The following MORN1 variants were observed in gnomAD, a reference collection of about 807,000 sequenced individuals.
MORN1 encodes the protein MORN repeat containing 1.
Under a neutral mutation model 61.9 loss-of-function variants are expected in MORN1, and 67 were observed. The observed-to-expected ratio is 1.08, with a 90% CI of 0.89 to 1.33. MORN1 has a LOEUF of 1.33. MORN1 is among the 40% of genes most tolerant of loss of function. The probability of loss-of-function intolerance (pLI) is 0.00; values close to 1 mark genes in which losing one functional copy is unlikely to be tolerated. For synonymous variants in MORN1, 301 were observed against 292.0 expected, an observed-to-expected ratio of 1.03 and a Z score of -0.31; for missense variants, 752 against 691.2, an observed-to-expected ratio of 1.09 and a Z score of -0.99.
chr1:2,351,769 AG>A lies in MORN1; in HGVS notation c.1036+5662del, dbSNP rs140231198. 2,196 of 560,698 alleles carry A rather than the reference AG, an allele frequency of 3.9e-3. 42 individuals carry two copies. The African/African-American group carries it at 0.039, about 10-fold the overall frequency. The allele number at this position is 560,698 out of a possible 1,614,324, so 34.7% of individuals were successfully genotyped here. On this transcript the variant is annotated intron_variant, in intron 10 of 13. Coordinates refer to ENST00000378531, the MANE Select transcript of MORN1 (RefSeq NM_024848.3). ...TTCATATGCTTGTCAAAAGCCTTGA[AG>A]GTGCCAATGAAGACTCGGCCATCTT...
At chr1:2,349,759 C>CAAATCATCTT (rs551122734) in intron 10 of MORN1, among the ~76,000 whole-genome samples, 45 of 152,292 alleles carry the variant, frequency 3.0e-4, no homozygotes, top group African/African-American at 9.9e-4. Context: ...CTTGATTTTT[C>CAAATCATCTT]AAATCATCTT....
At chr1:2,383,185 C>A (rs1293026614) in intron 6 of MORN1, among the ~76,000 whole-genome samples, 1 of 152,222 alleles carries the variant, frequency 6.6e-6, no homozygotes, top group Non-Finnish European at 1.5e-5. Flanking sequence ...AACGTTTCTC[C>A]TTTGCCAACA....
At chr1:2,322,569 A>G in intron 13 of MORN1, 1 of 984,062 alleles carries the variant, frequency 1.0e-6, no homozygotes. Flanking sequence ...AAAAAAAAAC[A>G]CGGTTCTGGG....
chr1:2,380,415 C>T (rs182669058), intron 6 of MORN1, among the ~76,000 whole-genome samples: 6 of 152,324 alleles, frequency 3.9e-5, no homozygotes, highest in African/African-American at 1.4e-4. Flanking sequence ...AAGGCAGAAG[C>T]ACTTGGGGCC....
intron 10 of MORN1, among the ~76,000 whole-genome samples, chr1:2,341,457 C>T (rs1177205291): frequency 6.6e-6 from 1 of 152,156 alleles, no homozygotes; most frequent in African/African-American, 2.4e-5. Flanking sequence ...CTTCGGGAGG[C>T]CAAAGCAGGC....
At chr1:2,335,886 A>G (rs1197094749) in intron 12 of MORN1, among the ~76,000 whole-genome samples, 1 of 145,206 alleles carries the variant, frequency 6.9e-6, no homozygotes, top group Non-Finnish European at 1.5e-5. Context: ...TCCCGATTTG[A>G]GGTGGCAGCT....
intron 6 of MORN1, among the ~76,000 whole-genome samples, chr1:2,384,362 G>C (rs554449552): frequency 3.9e-5 from 6 of 152,198 alleles, no homozygotes; most frequent in African/African-American, 1.4e-4. Flanking sequence ...CCATTCGCCC[G>C]AGAACAATCC....
chr1:2,346,303 G>A (rs1641515220), intron 10 of MORN1, among the ~76,000 whole-genome samples: 1 of 152,228 alleles, frequency 6.6e-6, no homozygotes, highest in South Asian at 2.1e-4. Context: ...CTGGGAGGCT[G>A]AGGCAGGAGG....
At chr1:2,370,043 T>C (rs2100332335) in intron 8 of MORN1, among the ~76,000 whole-genome samples, 1 of 152,314 alleles carries the variant, frequency 6.6e-6, no homozygotes, top group South Asian at 2.1e-4. Context: ...AAGATCATTT[T>C]GAAAAGGAAA....
Position 2,321,305 on chromosome 1 carries a change from T to C in MORN1, c.*78A>G, listed in dbSNP as rs1640873439. 1 of 1,099,684 alleles carries C rather than the reference T, an allele frequency of 9.1e-7. No homozygotes were observed. The highest frequency in any genetic ancestry group is 1.6e-5 in the African/African-American group (1 of 61,312). 68.1% of individuals were successfully genotyped at this position (1,099,684 alleles called of 1,614,324 possible). On this transcript the variant is annotated 3_prime_UTR_variant, in exon 14 of 14. Transcript: ENST00000378531. ...CCAGCAACCACGGGGCTCTGGAGAA[T>C]CGGGGAGCAGAGTCACGCAAGCAGA...
chr1:2,358,777 C>T (rs2100307685), intron 8 of MORN1, 62 bp from the exon 9 acceptor site: 1 of 1,551,864 alleles, frequency 6.4e-7, no homozygotes, highest in Non-Finnish European at 8.7e-7. Flanking sequence ...GGTGCGCGGG[C>T]CCGGGGCAGG....
At chr1:2,388,514 G>C in intron 2 of MORN1, 177 bp from the exon 3 acceptor site, 1 of 571,758 alleles carries the variant, frequency 1.7e-6, no homozygotes, top group Non-Finnish European at 3.1e-6. Flanking sequence ...AAAAATATCT[G>C]CCGAAACACG....
At chr1:2,388,792 AAAAAAAAAGAG>A (rs1342206220) in intron 2 of MORN1, among the ~76,000 whole-genome samples, 9 of 150,332 alleles carry the variant, frequency 6.0e-5, no homozygotes, top group South Asian at 2.1e-4. Flanking sequence ...AAAAAAAAAA[AAAAAAAAAGAG>A]AGAGAGAGAA....
intron 7 of MORN1, among the ~76,000 whole-genome samples, chr1:2,373,124 G>A (rs1417757479): frequency 6.6e-6 from 1 of 152,214 alleles, no homozygotes; most frequent in Non-Finnish European, 1.5e-5. Flanking sequence ...GCATCCTGCT[G>A]CCCACCGCCC....
At chr1:2,388,075 A>G in intron 3 of MORN1, 164 bp downstream of exon 3, 1 of 593,262 alleles carries the variant, frequency 1.7e-6, no homozygotes, top group Non-Finnish European at 3.0e-6. Flanking sequence ...AGCGGTGACC[A>G]CAGAGCCTCA....
In MORN1 at chr1:2,385,818, C is replaced by G. The variant is rs769126882; in HGVS notation, c.438G>C (p.Gln146His). Reference sequence around the variant, plus strand: ...AGACTCATACTCACTGAAAGAGCATCTGCCCAGGGCCGTGCCTCTTGTTGT... The same window carrying G: ...AGACTCATACTCACTGAAAGAGCATGTGCCCAGGGCCGTGCCTCTTGTTGT... ...FHDNKRHGPGQMLFQNGDKYD... is the reference protein window; with the variant it reads ...FHDNKRHGPGHMLFQNGDKYD... The change falls in exon 5 of 14, where the codon CAG becomes CAC. Residue 146 changes from glutamine to histidine, a missense_variant. By Grantham distance (24) the Gln-to-His change is conservative. Transcript: ENST00000378531. 4 of 1,613,744 alleles carry G rather than the reference C, an allele frequency of 2.5e-6. No homozygotes were observed. In the East Asian group the frequency reaches 8.9e-5, roughly 36 times the overall value.
chr1:2,355,068 T>G, intron 10 of MORN1: 4 of 734,162 alleles, frequency 5.4e-6, no homozygotes, highest in Non-Finnish European at 6.7e-6. Context: ...ACTCAGGCAG[T>G]GGGGCCGGCG....
intron 6 of MORN1, among the ~76,000 whole-genome samples, chr1:2,384,240 C>T (rs1311649824): frequency 6.6e-6 from 1 of 152,166 alleles, no homozygotes; most frequent in African/African-American, 2.4e-5. Flanking sequence ...GCTCAGGCAC[C>T]AACCTTGACT....
chr1:2,345,124 C>T (rs549505061), intron 10 of MORN1, among the ~76,000 whole-genome samples: 1 of 146,690 alleles, frequency 6.8e-6, no homozygotes, highest in Admixed American at 6.8e-5. Flanking sequence ...CCACATGTGC[C>T]CCGAAGACAA....
Sources: allele counts gnomAD v4.1 joint callset (sites outside exome capture counted in the v4.1 genomes callset), GRCh38; gene constraint gnomAD v4.1.1; transcripts MANE v1.5; gene names NCBI Gene and HGNC (gene_info 2026-07-23, HGNC 2026-07-21).